GRB10: variants seen among roughly 807,000 people sequenced by gnomAD.
GRB10 encodes growth factor receptor bound protein 10.
A neutral mutation model predicts 80.9 loss-of-function variants in GRB10; 20 were observed. The observed-to-expected ratio is 0.25, with a 90% CI of 0.17 to 0.36. The LOEUF is 0.36. Among genes scored for constraint, GRB10 ranks in the 10% least tolerant of loss-of-function variants. The probability of loss-of-function intolerance (pLI) is 1.00; values close to 1 mark genes in which losing one functional copy is unlikely to be tolerated. For missense variants in GRB10, 548 were observed against 747.7 expected, an observed-to-expected ratio of 0.73 and a Z score of 3.12; for synonymous variants, 291 against 291.5, an observed-to-expected ratio of 1.00 and a Z score of 0.02.
intron 5 of GRB10, among the ~76,000 whole-genome samples, chr7:50,684,267 CA>C (rs386410128): frequency 2.2e-4 from 14 of 62,296 alleles, no homozygotes; most frequent in South Asian, 8.6e-4. Flanking sequence ...CAATCATCAC[CA>C]AAAAAAAAAA....
intron 7 of GRB10, among the ~76,000 whole-genome samples, chr7:50,631,138 C>T (rs2053922767): frequency 6.6e-6 from 1 of 152,168 alleles, no homozygotes; most frequent in African/African-American, 2.4e-5. Context: ...CAGACCCTCA[C>T]TCTTGCTTCC....
chr7:50,709,417 G>A (rs1587249280), intron 4 of GRB10, among the ~76,000 whole-genome samples: 3 of 152,198 alleles, frequency 2.0e-5, no homozygotes, highest in South Asian at 2.1e-4. Flanking sequence ...AACATGGCCC[G>A]GGAGGCCAGC....
chr7:50,629,023 G>A (rs2053514159), intron 7 of GRB10, among the ~76,000 whole-genome samples: 1 of 152,148 alleles, frequency 6.6e-6, no homozygotes. Flanking sequence ...CTCCAACAAT[G>A]CTTTATAAAT....
intron 3 of GRB10, among the ~76,000 whole-genome samples, chr7:50,752,852 A>G (rs2074370019): frequency 6.6e-6 from 1 of 152,210 alleles, no homozygotes; most frequent in African/African-American, 2.4e-5. Flanking sequence ...TGAGAACAAG[A>G]CAAGTAACCA....
At chr7:50,660,370 T>C (rs2059131336) in intron 7 of GRB10, among the ~76,000 whole-genome samples, 1 of 152,128 alleles carries the variant, frequency 6.6e-6, no homozygotes, top group Admixed American at 6.5e-5. Context: ...GCCATGTCCA[T>C]GCAGGAAGTG....
intron 7 of GRB10, among the ~76,000 whole-genome samples, chr7:50,628,307 T>C (rs960152276): frequency 6.6e-6 from 1 of 152,132 alleles, no homozygotes; most frequent in African/African-American, 2.4e-5. Flanking sequence ...CCTGACAAAC[T>C]CCCTCCGAGG....
At chr7:50,767,307 C>CCAG (rs2076450487) in intron 2 of GRB10, among the ~76,000 whole-genome samples, 1 of 152,176 alleles carries the variant, frequency 6.6e-6, no homozygotes, top group Non-Finnish European at 1.5e-5. Context: ...AAAAGGACAC[C>CCAG]TGGATCCTGA....
At chr7:50,758,699 T>A (rs1024885047) in intron 2 of GRB10, among the ~76,000 whole-genome samples, 1 of 152,218 alleles carries the variant, frequency 6.6e-6, no homozygotes, top group Non-Finnish European at 1.5e-5. Flanking sequence ...ACAAAAAAAT[T>A]AAACTCCATA....
At chr7:50,696,979 C>T (rs1049944764) in intron 5 of GRB10, among the ~76,000 whole-genome samples, 1 of 152,180 alleles carries the variant, frequency 6.6e-6, no homozygotes, top group African/African-American at 2.4e-5. Context: ...ATTATTTGGC[C>T]TTCAAAAGGA....
Position 50,604,094 on chromosome 7 carries a change from G to A in GRB10, c.1457-9C>T, listed in dbSNP as rs1171699299. ...CTGTGTCCTGTGAATCACTGTGGGG[G>A]GAAGACAGGAGGAGGGTAGGATGGT... On this transcript the variant is annotated splice_polypyrimidine_tract_variant and intron_variant, in intron 16 of 18. Transcript: ENST00000401949. 2 of 1,609,810 alleles carry A rather than the reference G, an allele frequency of 1.2e-6. No individual in the cohort carries two copies. The highest frequency in any genetic ancestry group is 1.7e-6 in the Non-Finnish European group (2 of 1,176,226).
chr7:50,704,617 T>C (rs2064783641), intron 4 of GRB10, among the ~76,000 whole-genome samples: 2 of 152,362 alleles, frequency 1.3e-5, no homozygotes, highest in East Asian at 1.9e-4. Context: ...TTAGAAAGGT[T>C]TGAACTGTGC....
At chr7:50,780,150 C>T (rs1438003076) in intron 2 of GRB10, among the ~76,000 whole-genome samples, 1 of 152,140 alleles carries the variant, frequency 6.6e-6, no homozygotes, top group African/African-American at 2.4e-5. Flanking sequence ...CTGAACAAAT[C>T]AGAATAAACC....
upstream of GRB10, among the ~76,000 whole-genome samples, chr7:50,786,222 TTAGATAAAAAA>T (rs2078688892): frequency 6.6e-6 from 1 of 151,872 alleles, no homozygotes; most frequent in African/African-American, 2.4e-5. Flanking sequence ...ACACAGACTA[TTAGATAAAAAA>T]TACAGAGAAC....
chr7:50,629,743 G>A (rs565981765), intron 7 of GRB10, among the ~76,000 whole-genome samples: 1 of 152,224 alleles, frequency 6.6e-6, no homozygotes, highest in Non-Finnish European at 1.5e-5. Context: ...GTCTTTTAGA[G>A]CTGGCAGTTC....
chr7:50,753,812 G>C (rs1383303602), intron 3 of GRB10, among the ~76,000 whole-genome samples: 2 of 152,218 alleles, frequency 1.3e-5, no homozygotes, highest in African/African-American at 4.8e-5. Context: ...GAATGCAGAG[G>C]CTGGGAAGGA....
At chr7:50,742,257 GCGCA>G (rs139504337) in intron 3 of GRB10, among the ~76,000 whole-genome samples, 1,578 of 50,268 alleles carry the variant, frequency 0.031, 39 homozygotes, top group African/African-American at 0.057. Flanking sequence ...GTAAACACAC[GCGCA>G]CGCGCGCGCG....
intron 7 of GRB10, among the ~76,000 whole-genome samples, chr7:50,653,187 G>A (rs571351859): frequency 3.0e-4 from 45 of 152,238 alleles, no homozygotes; most frequent in African/African-American, 1.1e-3. Flanking sequence ...GGCAGGCACC[G>A]TCTTCCTAGG....
At chr7:50,726,812 T>C (rs1041198553) in intron 4 of GRB10, 4 of 152,226 alleles carry the variant, frequency 2.6e-5, no homozygotes, top group Admixed American at 6.5e-5. Context: ...TGTTTTATTA[T>C]AATAATTCTG....
intron 5 of GRB10, among the ~76,000 whole-genome samples, chr7:50,682,428 T>C (rs920820102): frequency 3.3e-5 from 5 of 152,130 alleles, no homozygotes; most frequent in Non-Finnish European, 7.4e-5. Flanking sequence ...GTCAGAGCCA[T>C]GATATCTGCT....
Sources: allele counts gnomAD v4.1 joint callset (sites outside exome capture counted in the v4.1 genomes callset), GRCh38; gene constraint gnomAD v4.1.1; transcripts MANE v1.5; gene names NCBI Gene and HGNC (gene_info 2026-07-23, HGNC 2026-07-21).